Variants in CSMD1 observed in about 807,000 individuals in gnomAD.
The protein encoded by CSMD1 is CUB and Sushi multiple domains 1.
In CSMD1, 213 loss-of-function variants were observed where a neutral mutation model predicts 417.5. The observed-to-expected ratio is 0.51, with a 90% CI of 0.46 to 0.57. The LOEUF (loss-of-function observed/expected upper bound fraction) is 0.57. Among genes scored for constraint, CSMD1 ranks in the 20% least tolerant of loss-of-function variants. CSMD1 has a pLI of 0.00. For missense variants in CSMD1, 6,923 were observed against 4,529.7 expected (o/e 1.53, Z -15.17); for synonymous variants, 2,862 against 1,736.8 (o/e 1.65, Z -16.11).
intron 7 of CSMD1, among the ~76,000 whole-genome samples, chr8:3,707,740 G>C (rs930300467): frequency 3.9e-5 from 6 of 152,192 alleles, no homozygotes; most frequent in Non-Finnish European, 7.3e-5. Context: ...TCAGCTAAAG[G>C]ACAAAGGGCC....
chr8:3,657,664 G>A (rs918268542), intron 7 of CSMD1, among the ~76,000 whole-genome samples: 3 of 152,136 alleles, frequency 2.0e-5, no homozygotes, highest in Admixed American at 1.3e-4. Context: ...ATGGACACAA[G>A]GAAGGGAACA....
At chr8:4,471,796 T>C (rs1800551887) in intron 2 of CSMD1, among the ~76,000 whole-genome samples, 1 of 152,094 alleles carries the variant, frequency 6.6e-6, no homozygotes, top group Non-Finnish European at 1.5e-5. Flanking sequence ...AATATATAGA[T>C]GTTAACAGGA....
At chr8:3,729,508 A>G (rs576235656) in intron 6 of CSMD1, among the ~76,000 whole-genome samples, 56 of 152,304 alleles carry the variant, frequency 3.7e-4, no homozygotes, top group African/African-American at 1.3e-3. Flanking sequence ...AGCAAGACAG[A>G]CTGTGGAACC....
rs1190063145 is a variant in CSMD1, at chr8:3,114,338, ATTATG to A, written c.6431-4008_6431-4004del. ...TCATTTATAGATGGTTTTCTCTAGT[ATTATG>A]TTAAGTTTTTTGCCTAAACAAGAAT... On this transcript the variant is annotated intron_variant, in intron 42 of 69. Coordinates refer to ENST00000635120, the MANE Select transcript of CSMD1 (RefSeq NM_033225.6). 2.6e-5 allele frequency among the ~76,000 whole-genome samples: 4 copies of A among 151,982 alleles called. No homozygotes were observed. In the East Asian group the frequency reaches 5.8e-4, roughly 22 times the overall value.
intron 2 of CSMD1, among the ~76,000 whole-genome samples, chr8:4,636,015 T>C (rs1183332992): frequency 2.0e-5 from 3 of 152,012 alleles, no homozygotes; most frequent in Admixed American, 2.0e-4. Flanking sequence ...AATATATTAA[T>C]GAATATATTT....
chr8:4,923,867 C>G (rs1806667850), intron 1 of CSMD1, among the ~76,000 whole-genome samples: 2 of 152,170 alleles, frequency 1.3e-5, no homozygotes, highest in African/African-American at 2.4e-5. Context: ...GGCCCACAAA[C>G]TATAGGCAGT....
intron 1 of CSMD1, among the ~76,000 whole-genome samples, chr8:4,796,193 G>C (rs1295229771): frequency 6.6e-6 from 1 of 151,886 alleles, no homozygotes; most frequent in African/African-American, 2.4e-5. Flanking sequence ...AATGCAGGAA[G>C]ACCAGCTCCC....
At chr8:4,164,391 C>T (rs922927186) in intron 3 of CSMD1, among the ~76,000 whole-genome samples, 2 of 152,086 alleles carry the variant, frequency 1.3e-5, no homozygotes, top group Admixed American at 6.6e-5. Flanking sequence ...AACACTTACA[C>T]ATTCAGGTAA....
chr8:3,465,689 G>C (rs1007069962), intron 12 of CSMD1, among the ~76,000 whole-genome samples: 16 of 152,308 alleles, frequency 1.1e-4, no homozygotes, highest in African/African-American at 3.9e-4. Context: ...GAGTAGGTAG[G>C]TCAGTAAGGG....
intron 38 of CSMD1, among the ~76,000 whole-genome samples, chr8:3,158,507 C>T (rs1441352675): frequency 1.3e-5 from 2 of 152,096 alleles, no homozygotes; most frequent in Admixed American, 6.5e-5. Context: ...CATTTTCTCA[C>T]TAGACATCCT....
At chr8:3,247,645 G>A (rs2117011784) in intron 26 of CSMD1, among the ~76,000 whole-genome samples, 1 of 152,212 alleles carries the variant, frequency 6.6e-6, no homozygotes, top group African/African-American at 2.4e-5. Flanking sequence ...GGGTCAGCAG[G>A]CAAGGCCCCC....
rs369902423 is a variant in CSMD1, at chr8:3,467,727, C to T, written c.1561+985G>A. ...GAGAGAGAGAGCAGCCAAGGTGTGGCGTGTTCACTCACATGGACTCATGAC... is the reference window on the plus strand; with the variant it reads ...GAGAGAGAGAGCAGCCAAGGTGTGGTGTGTTCACTCACATGGACTCATGAC... On this transcript the variant is annotated intron_variant, in intron 12 of 69. Coordinates refer to ENST00000635120, the MANE Select transcript of CSMD1 (RefSeq NM_033225.6). Among the ~76,000 whole-genome samples the T allele has an allele frequency of 8.5e-5, 13 of 152,206 alleles. No homozygotes were observed. In the East Asian group the frequency reaches 1.2e-3, roughly 14 times the overall value.
chr8:4,221,356 C>T (rs1269426339), intron 3 of CSMD1, among the ~76,000 whole-genome samples: 3 of 147,110 alleles, frequency 2.0e-5, no homozygotes, highest in Admixed American at 1.4e-4. Flanking sequence ...CACAAAGAAG[C>T]CCATCTCTAC....
chr8:4,514,274 A>G (rs976447272), intron 2 of CSMD1, among the ~76,000 whole-genome samples: 11 of 152,044 alleles, frequency 7.2e-5, no homozygotes, highest in African/African-American at 1.7e-4. Context: ...ATCCCCTTGG[A>G]TCAGGCCCCA....
chr8:4,055,799 G>A (rs1377732368), intron 3 of CSMD1, among the ~76,000 whole-genome samples: 2 of 151,934 alleles, frequency 1.3e-5, no homozygotes, highest in African/African-American at 2.4e-5. Flanking sequence ...CACTTCAAAT[G>A]ACTAACACTG....
intron 1 of CSMD1, among the ~76,000 whole-genome samples, chr8:4,667,473 T>C (rs1183145549): frequency 6.6e-6 from 1 of 152,148 alleles, no homozygotes; most frequent in Non-Finnish European, 1.5e-5. Flanking sequence ...CTTAATAATA[T>C]GAAGTACTCC....
At chr8:4,592,592 G>T (rs554790710) in intron 2 of CSMD1, among the ~76,000 whole-genome samples, 1 of 151,912 alleles carries the variant, frequency 6.6e-6, no homozygotes, top group Non-Finnish European at 1.5e-5. Flanking sequence ...TCACCATGTT[G>T]GCCAGGCTGG....
chr8:3,275,592 A>T (rs1280887241), intron 26 of CSMD1, among the ~76,000 whole-genome samples: 1 of 152,008 alleles, frequency 6.6e-6, no homozygotes, highest in Non-Finnish European at 1.5e-5. Context: ...CAGTCTTTTC[A>T]CATAGTCCCA....
At chr8:3,354,014 A>G (rs1318714973) in intron 21 of CSMD1, among the ~76,000 whole-genome samples, 2 of 152,210 alleles carry the variant, frequency 1.3e-5, no homozygotes, top group Non-Finnish European at 2.9e-5. Context: ...TCAACAACAG[A>G]CAGACGTGGA....
Sources: allele counts gnomAD v4.1 joint callset (sites outside exome capture counted in the v4.1 genomes callset), GRCh38; gene constraint gnomAD v4.1.1; transcripts MANE v1.5; gene names NCBI Gene and HGNC (gene_info 2026-07-23, HGNC 2026-07-21).